Variants in OPCML observed in about 807,000 individuals in gnomAD.
The protein encoded by OPCML is opioid binding protein/cell adhesion molecule like.
OPCML carries 13 observed loss-of-function variants against 37.8 expected under a neutral mutation model. The ratio of observed to expected loss-of-function variants is 0.34; its 90% CI spans 0.22 to 0.55. The LOEUF is 0.55. OPCML is among the 20% of genes least tolerant of loss of function. The probability of loss-of-function intolerance (pLI) is 0.91; values close to 1 mark genes in which losing one functional copy is unlikely to be tolerated. For missense variants in OPCML, 341 were observed against 435.6 expected (o/e 0.78, Z 1.93); for synonymous variants, 176 against 168.8 (o/e 1.04, Z -0.33).
chr11:132,640,691 A>C (rs1333148838), intron 3 of OPCML, among the ~76,000 whole-genome samples: 1 of 152,192 alleles, frequency 6.6e-6, no homozygotes, highest in Non-Finnish European at 1.5e-5. Flanking sequence ...TGGTGAAGAC[A>C]GTGTAATGTG....
intron 1 of OPCML, among the ~76,000 whole-genome samples, chr11:133,290,779 A>G (rs1313369192): frequency 1.3e-5 from 2 of 152,258 alleles, no homozygotes; most frequent in African/African-American, 4.8e-5. Context: ...AAGAGCTTCC[A>G]TTTCCACTGA....
intron 2 of OPCML, among the ~76,000 whole-genome samples, chr11:132,780,304 T>C (rs550126323): frequency 2.5e-4 from 38 of 152,338 alleles, no homozygotes; most frequent in Non-Finnish European, 3.8e-4. Context: ...TTCCAATGAA[T>C]GTGAGGGACC....
chr11:133,026,329 G>C, intron 1 of OPCML: 9 of 955,860 alleles, frequency 9.4e-6, no homozygotes, highest in Non-Finnish European at 1.1e-5. Flanking sequence ...ACATTTGATA[G>C]TTTTCCTGAG....
At chr11:132,630,577 A>G (rs1455351941) in intron 3 of OPCML, among the ~76,000 whole-genome samples, 1 of 152,144 alleles carries the variant, frequency 6.6e-6, no homozygotes, top group African/African-American at 2.4e-5. Flanking sequence ...AGCAGAGAGC[A>G]TATACCACTA....
At chr11:132,466,149 G>C (rs945896830) in intron 4 of OPCML, among the ~76,000 whole-genome samples, 1 of 152,100 alleles carries the variant, frequency 6.6e-6, no homozygotes, top group Non-Finnish European at 1.5e-5. Context: ...ATGGCACAGG[G>C]AGGCTCCATG....
chr11:132,934,201 C>T (rs1945297245), intron 2 of OPCML, among the ~76,000 whole-genome samples: 1 of 152,270 alleles, frequency 6.6e-6, no homozygotes, highest in African/African-American at 2.4e-5. Context: ...AGTCCTGGAA[C>T]CACTAGGCCA....
At chr11:132,870,756 A>G (rs908215969) in intron 2 of OPCML, among the ~76,000 whole-genome samples, 1 of 152,230 alleles carries the variant, frequency 6.6e-6, no homozygotes, top group East Asian at 1.9e-4. Context: ...TTGGAGCAAC[A>G]TCAATGAACC....
In OPCML at chr11:132,812,579, G is replaced by A. The variant is rs554762011; in HGVS notation, c.146+130347C>T. ...TAAAGTGTAGTTTCAATAGCATGAT[G>A]AAGCAGAAAACCAGATGGTCTGCTC... On this transcript the variant is annotated intron_variant, in intron 2 of 7. Coordinates refer to ENST00000524381, the MANE Select transcript of OPCML (RefSeq NM_001012393.5). Among the ~76,000 whole-genome samples the A allele has an allele frequency of 1.2e-3, 190 of 152,304 alleles. 5 individuals carry two copies. The highest frequency in any genetic ancestry group is 6.8e-3 in the Middle Eastern group (2 of 294).
At chr11:133,065,483 A>C (rs577199325) in intron 1 of OPCML, 72 of 152,332 alleles carry the variant, frequency 4.7e-4, no homozygotes, top group African/African-American at 1.7e-3. Context: ...AAGGGCTGTA[A>C]ACAAGCCGTT....
At chr11:133,309,692 G>A (rs1414135505) in intron 1 of OPCML, among the ~76,000 whole-genome samples, 1 of 152,198 alleles carries the variant, frequency 6.6e-6, no homozygotes, top group African/African-American at 2.4e-5. Flanking sequence ...TTGACATGAG[G>A]AGAAACTGGA....
chr11:132,693,732 T>C (rs1177848617), intron 2 of OPCML, among the ~76,000 whole-genome samples: 2 of 152,178 alleles, frequency 1.3e-5, no homozygotes, highest in African/African-American at 2.4e-5. Context: ...AGTGGAGTGG[T>C]ATAGGCCACC....
At chr11:133,443,352 C>T (rs1378301883) in intron 1 of OPCML, among the ~76,000 whole-genome samples, 1 of 152,220 alleles carries the variant, frequency 6.6e-6, no homozygotes, top group Non-Finnish European at 1.5e-5. Flanking sequence ...GATCTGCTGG[C>T]GATTCAGCCT....
Position 132,860,512 on chromosome 11 carries a change from G to C in OPCML, c.146+82414C>G, listed in dbSNP as rs550761631. 4 of 152,248 alleles carry C rather than the reference G, an allele frequency of 2.6e-5. No homozygotes were observed. The South Asian group carries it at 8.3e-4, about 32-fold the overall frequency. The allele number at this position is 152,248 out of a possible 1,614,324, so 9.4% of individuals were successfully genotyped here. A position where few individuals can be genotyped will look rare whatever the true frequency, so the allele number is the denominator to read the frequency against. On this transcript the variant is annotated intron_variant, in intron 2 of 7. Transcript: ENST00000524381. The stretch of plus-strand genomic sequence containing the variant: ...GTAGACTGGGTAATGTCGCAGGCCT[G>C]TCCCCCGAAGGCCTGTATTGAGACA...
chr11:132,937,719 C>T (rs1945439452), intron 2 of OPCML, among the ~76,000 whole-genome samples: 1 of 151,886 alleles, frequency 6.6e-6, no homozygotes, highest in African/African-American at 2.4e-5. Flanking sequence ...CCCAGGCCTG[C>T]CAGATCCGGC....
chr11:132,438,154 C>T (rs2136752331), intron 4 of OPCML, among the ~76,000 whole-genome samples: 1 of 152,324 alleles, frequency 6.6e-6, no homozygotes, highest in South Asian at 2.1e-4. Flanking sequence ...TGCTTTTATG[C>T]CACCATTACA....
chr11:133,438,373 G>A (rs775101298), intron 1 of OPCML, among the ~76,000 whole-genome samples: 21 of 152,066 alleles, frequency 1.4e-4, no homozygotes, highest in Non-Finnish European at 2.2e-4. Context: ...TCAGCCACAG[G>A]CAAGATCCAA....
At chr11:133,019,718 A>G (rs573682634) in intron 1 of OPCML, among the ~76,000 whole-genome samples, 3 of 152,282 alleles carry the variant, frequency 2.0e-5, no homozygotes, top group Admixed American at 6.5e-5. Context: ...GCAGAGTACC[A>G]TGGAGAGCAT....
chr11:133,123,788 GT>G (rs1447019441), intron 1 of OPCML, among the ~76,000 whole-genome samples: 1 of 152,106 alleles, frequency 6.6e-6, no homozygotes, highest in Non-Finnish European at 1.5e-5. Flanking sequence ...GCTTTAAGGG[GT>G]TATGGGGTTT....
At chr11:132,593,408 G>A (rs1371823889) in intron 3 of OPCML, among the ~76,000 whole-genome samples, 1 of 152,194 alleles carries the variant, frequency 6.6e-6, no homozygotes, top group Non-Finnish European at 1.5e-5. Context: ...TCGGTTTCCT[G>A]TAGACCATGG....
Sources: allele counts gnomAD v4.1 joint callset (sites outside exome capture counted in the v4.1 genomes callset), GRCh38; gene constraint gnomAD v4.1.1; transcripts MANE v1.5; gene names NCBI Gene and HGNC (gene_info 2026-07-23, HGNC 2026-07-21).